Variants in NR3C2 observed in about 807,000 individuals in gnomAD.
NR3C2 encodes mineralocorticoid receptor.
In NR3C2, 15 loss-of-function variants were observed where a neutral mutation model predicts 86.4. The ratio of observed to expected loss-of-function variants is 0.17; its 90% confidence interval spans 0.12 to 0.27. NR3C2 has a LOEUF of 0.27. NR3C2 is among the 10% of genes least tolerant of loss of function. The pLI is 1.00. For missense variants in NR3C2, 960 were observed against 1,195.6 expected (o/e 0.80, Z 2.91); for synonymous variants, 458 against 450.5 (o/e 1.02, Z -0.21).
At chr4:148,366,048 C>G (rs1746096861) in intron 2 of NR3C2, among the ~76,000 whole-genome samples, 1 of 152,052 alleles carries the variant, frequency 6.6e-6, no homozygotes, top group South Asian at 2.1e-4. Context: ...AAATTCAAAC[C>G]TTTTATTTCC....
intron 7 of NR3C2, among the ~76,000 whole-genome samples, chr4:148,115,042 A>AG (rs1313339565): frequency 1.3e-5 from 2 of 152,178 alleles, no homozygotes; most frequent in African/African-American, 2.4e-5. Flanking sequence ...TATGCGTGTG[A>AG]GGGGGGAACA....
chr4:148,134,641 C>CTCTTTTTTTTTTTTTT lies in NR3C2; in HGVS notation c.2511-14369_2511-14354dup, dbSNP rs956853819. On this transcript the variant is annotated intron_variant, in intron 6 of 8. Coordinates refer to ENST00000358102, the MANE Select transcript of NR3C2 (RefSeq NM_000901.5). ...TCCCTGTGATTCTCTCTCTCTCTCT[C>CTCTTTTTTTTTTTTTT]TCTTTTTTTTTTTTTTTTTTTTTTT... 4.9e-5 allele frequency among the ~76,000 whole-genome samples: 3 copies of CTCTTTTTTTTTTTTTT among 60,998 alleles called. 1 individual carries two copies. The highest frequency in any genetic ancestry group is 1.0e-4 in the Non-Finnish European group (3 of 29,730). The allele number at this position is 60,998 out of a possible 152,430, so 40.0% of individuals were successfully genotyped here.
chr4:148,295,017 A>G (rs1207671960), intron 2 of NR3C2, among the ~76,000 whole-genome samples: 1 of 152,062 alleles, frequency 6.6e-6, no homozygotes, highest in Non-Finnish European at 1.5e-5. Flanking sequence ...TCTACTTTCT[A>G]GTACCATTAA....
chr4:148,295,246 GA>G (rs1741990293), intron 2 of NR3C2, among the ~76,000 whole-genome samples: 1 of 151,888 alleles, frequency 6.6e-6, no homozygotes. Flanking sequence ...CAATATTTAA[GA>G]TATACTAATG....
At chr4:148,257,854 A>G (rs1209466395) in intron 3 of NR3C2, among the ~76,000 whole-genome samples, 1 of 152,172 alleles carries the variant, frequency 6.6e-6, no homozygotes, top group African/African-American at 2.4e-5. Flanking sequence ...TTCCCAAATC[A>G]ATACAAAATA....
At chr4:148,410,665 T>G (rs1230793382) in intron 2 of NR3C2, among the ~76,000 whole-genome samples, 1 of 152,124 alleles carries the variant, frequency 6.6e-6, no homozygotes, top group Non-Finnish European at 1.5e-5. Flanking sequence ...GCAGAATCCC[T>G]AAAAGAATGT....
At chr4:148,205,716 A>G (rs1736969781) in intron 3 of NR3C2, among the ~76,000 whole-genome samples, 1 of 152,246 alleles carries the variant, frequency 6.6e-6, no homozygotes, top group African/African-American at 2.4e-5. Context: ...CAAGAACGGC[A>G]CATGAATAAG....
At chr4:148,395,890 A>G (rs1335788180) in intron 2 of NR3C2, among the ~76,000 whole-genome samples, 1 of 152,168 alleles carries the variant, frequency 6.6e-6, no homozygotes, top group African/African-American at 2.4e-5. Context: ...GTTGTGCTGG[A>G]TGTGCCGGGA....
At chr4:148,109,552 A>G (rs1047886832) in intron 8 of NR3C2, among the ~76,000 whole-genome samples, 2 of 152,202 alleles carry the variant, frequency 1.3e-5, no homozygotes, top group Admixed American at 6.5e-5. Flanking sequence ...ATACCTGATT[A>G]CTTTCTACCT....
chr4:148,279,491 C>A (rs1448596407), intron 2 of NR3C2, among the ~76,000 whole-genome samples: 1 of 152,170 alleles, frequency 6.6e-6, no homozygotes, highest in South Asian at 2.1e-4. Context: ...ACTAAAAATT[C>A]ATGACTAACA....
intron 3 of NR3C2, among the ~76,000 whole-genome samples, chr4:148,204,755 T>C (rs556922475): frequency 4.3e-4 from 65 of 152,354 alleles, no homozygotes; most frequent in African/African-American, 1.4e-3. Flanking sequence ...CTAACCACTC[T>C]GACACTGGGA....
intron 2 of NR3C2, among the ~76,000 whole-genome samples, chr4:148,276,472 T>G (rs1740967285): frequency 6.6e-6 from 1 of 152,086 alleles, no homozygotes; most frequent in Non-Finnish European, 1.5e-5. Flanking sequence ...TTACAGGAAG[T>G]TAAAAGACTT....
chr4:148,366,938 C>A (rs569685707), intron 2 of NR3C2, among the ~76,000 whole-genome samples: 1 of 152,262 alleles, frequency 6.6e-6, no homozygotes, highest in Non-Finnish European at 1.5e-5. Context: ...AAAAAAACTA[C>A]TTCACTCCTA....
At chr4:148,330,418 G>C (rs183006670) in intron 2 of NR3C2, among the ~76,000 whole-genome samples, 1 of 152,270 alleles carries the variant, frequency 6.6e-6, no homozygotes, top group African/African-American at 2.4e-5. Context: ...GTGATTCACA[G>C]AGGTCCCAGC....
Position 148,435,880 on chromosome 4 carries a change from G to C in NR3C2, c.981C>G (p.Ala327=), listed in dbSNP as rs780720422. Residue 327 remains alanine, a synonymous_variant, in exon 2 of 9, where the codon GCC becomes GCG. Transcript: ENST00000358102. ...GGCTACAGATAGATCCCACAGTACT[G>C]GCTGCCGGACTGGAAAGCGTGGATC... ...NNRSTLSSPA[A]STVGSICSPV... 1.2e-6 allele frequency: 2 copies of C among 1,614,192 alleles called. No individual in the cohort carries two copies. The highest frequency in any genetic ancestry group is 1.7e-6 in the Non-Finnish European group (2 of 1,180,030).
intron 4 of NR3C2, among the ~76,000 whole-genome samples, chr4:148,187,177 C>A (rs753440013): frequency 6.6e-6 from 1 of 151,310 alleles, no homozygotes; most frequent in Non-Finnish European, 1.5e-5. Context: ...TATAAACATG[C>A]GTGTACAAGT....
intron 3 of NR3C2, among the ~76,000 whole-genome samples, chr4:148,224,306 T>C (rs1444605313): frequency 6.6e-6 from 1 of 152,198 alleles, no homozygotes; most frequent in African/African-American, 2.4e-5. Context: ...AATATCTATA[T>C]ACATACACAC....
intron 2 of NR3C2, among the ~76,000 whole-genome samples, chr4:148,404,066 T>C (rs1748294518): frequency 6.6e-6 from 1 of 152,106 alleles, no homozygotes; most frequent in Non-Finnish European, 1.5e-5. Flanking sequence ...TCAAGTCATA[T>C]TTTGAACTCA....
chr4:148,134,387 T>C (rs888400807), intron 6 of NR3C2, among the ~76,000 whole-genome samples: 5 of 152,206 alleles, frequency 3.3e-5, no homozygotes, highest in African/African-American at 1.2e-4. Flanking sequence ...ATAGTCTAAA[T>C]ATTTCTTATC....
Sources: gnomAD v4.1 joint callset for allele counts (sites outside exome capture counted in the v4.1 genomes callset) on GRCh38, gnomAD v4.1.1 for gene constraint, MANE v1.5 for transcripts, NCBI Gene and HGNC (gene_info 2026-07-23, HGNC 2026-07-21) for gene names.